EXOC6: variants seen among roughly 807,000 people sequenced by gnomAD.
The protein encoded by EXOC6 is exocyst complex component 6.
Under a neutral mutation model 112.5 loss-of-function variants are expected in EXOC6, and 60 were observed. The ratio of observed to expected loss-of-function variants is 0.53; its 90% CI spans 0.43 to 0.66. The LOEUF is 0.66. EXOC6 is among the 30% of genes least tolerant of loss of function. EXOC6 has a pLI of 0.00. For synonymous variants in EXOC6, 295 were observed against 308.0 expected, an observed-to-expected ratio of 0.96 and a Z score of 0.44; for missense variants, 855 against 957.1, an observed-to-expected ratio of 0.89 and a Z score of 1.41.
intron 7 of EXOC6, among the ~76,000 whole-genome samples, chr10:92,917,270 TA>T (rs962908325): frequency 6.6e-6 from 1 of 152,132 alleles, no homozygotes; most frequent in Non-Finnish European, 1.5e-5. Flanking sequence ...CAAATCTAAT[TA>T]TTTTTATAGT....
At chr10:93,031,802 C>T (rs563286713) in intron 20 of EXOC6, among the ~76,000 whole-genome samples, 94 of 152,184 alleles carry the variant, frequency 6.2e-4, no homozygotes, top group African/African-American at 2.2e-3. Flanking sequence ...CATGAGCCAC[C>T]GTGCCCGCCC....
rs778079479 is a variant in EXOC6 at position 92,909,521 on chromosome 10, C to G, written c.553C>G (p.Leu185Val). Residue 185 changes from leucine (L) to valine (V), a missense_variant, in exon 6 of 22, where the codon CTT (leucine) becomes GTT (valine). Around this residue, in one of 2 missense-constraint regions of EXOC6, gnomAD observed 405 missense variants for 393.6 expected, o/e 1.03. Coordinates refer to ENST00000260762, the MANE Select transcript of EXOC6 (RefSeq NM_019053.6). ...YRFCQLMIENLPKLREDIKEI... is the reference protein window; with the variant it reads ...YRFCQLMIENVPKLREDIKEI... ...GTTTTGTCAGCTCATGATAGAAAAT[C>G]TTCCCAAACTCCGTGAGGATATTAA... The G allele has an allele frequency of 1.9e-5, 31 of 1,613,220 alleles. No individual in the cohort carries two copies. The highest frequency in any genetic ancestry group is 2.6e-5 in the Non-Finnish European group (31 of 1,179,476).
rs1220563534 is a variant in EXOC6, at chr10:92,911,947, G to A, written c.663+2316G>A. On this transcript the variant is annotated intron_variant, in intron 6 of 21. Transcript: ENST00000260762. ...TCTCTCTCTCTGTGTGCGTGTGTGT[G>A]TGTGTGTGTGTGTGTGTGTGTGTGT... Among the ~76,000 whole-genome samples the A allele has an allele frequency of 2.8e-5, 3 of 106,836 alleles. No homozygotes were observed. In the East Asian group the frequency reaches 1.9e-3, roughly 69 times the overall value. 70.1% of individuals were successfully genotyped at this position (106,836 alleles called of 152,430 possible).
chr10:92,949,518 A>G (rs1226373029), intron 14 of EXOC6, among the ~76,000 whole-genome samples: 9 of 150,650 alleles, frequency 6.0e-5, no homozygotes, highest in Non-Finnish European at 1.2e-4. Context: ...GTTACTGGTA[A>G]TGAGTTTGTT....
chr10:92,851,129 C>G (rs760410460), intron 1 of EXOC6, among the ~76,000 whole-genome samples: 6 of 152,046 alleles, frequency 3.9e-5, no homozygotes, highest in Non-Finnish European at 8.8e-5. Context: ...GTTTATGGCA[C>G]CAAACACCTC....
chr10:92,998,317 A>G (rs1489113163), intron 19 of EXOC6, among the ~76,000 whole-genome samples: 1 of 152,230 alleles, frequency 6.6e-6, no homozygotes, highest in Non-Finnish European at 1.5e-5. Flanking sequence ...TACACTGATT[A>G]AACAATGAAA....
At chr10:92,831,108 G>A (rs1354393243), upstream of EXOC6, among the ~76,000 whole-genome samples, 1 of 152,104 alleles carries the variant, frequency 6.6e-6, no homozygotes, top group African/African-American at 2.4e-5. Flanking sequence ...TTAGCCAGTG[G>A]AAACAGGAAG....
At chr10:92,895,493 A>AT (rs1181733175) in intron 4 of EXOC6, among the ~76,000 whole-genome samples, 2 of 152,068 alleles carry the variant, frequency 1.3e-5, no homozygotes, top group African/African-American at 4.8e-5. Context: ...AAAGAGCTGG[A>AT]TCTTCACCAT....
At chr10:93,009,419 A>T (rs1225499696) in intron 19 of EXOC6, among the ~76,000 whole-genome samples, 2 of 152,136 alleles carry the variant, frequency 1.3e-5, no homozygotes, top group Non-Finnish European at 2.9e-5. Context: ...TTGAATACTC[A>T]TTATAAGTCA....
chr10:92,857,629 A>G (rs1423345455), intron 1 of EXOC6, among the ~76,000 whole-genome samples: 1 of 152,206 alleles, frequency 6.6e-6, no homozygotes, highest in East Asian at 1.9e-4. Flanking sequence ...ATTGTATTAC[A>G]TATATTCTAT....
intron 20 of EXOC6, among the ~76,000 whole-genome samples, chr10:93,025,616 G>C (rs1844994221): frequency 6.6e-6 from 1 of 152,082 alleles, no homozygotes. Flanking sequence ...TTTATTTCAA[G>C]TATTTTAATT....
intron 6 of EXOC6, among the ~76,000 whole-genome samples, chr10:92,912,327 C>T (rs780772064): frequency 7.9e-5 from 12 of 152,100 alleles, no homozygotes; most frequent in Non-Finnish European, 1.5e-4. Context: ...ACGGGGCTCT[C>T]TATTTGTTCC....
intron 20 of EXOC6, among the ~76,000 whole-genome samples, chr10:93,035,405 G>C (rs1370918454): frequency 1.3e-5 from 2 of 152,154 alleles, no homozygotes; most frequent in Non-Finnish European, 2.9e-5. Context: ...CAAACACTGT[G>C]ATAATTACAA....
At chr10:92,848,965 A>C (rs1019626940) in intron 1 of EXOC6, among the ~76,000 whole-genome samples, 1 of 151,926 alleles carries the variant, frequency 6.6e-6, no homozygotes, top group Non-Finnish European at 1.5e-5. Flanking sequence ...GCCCGAGGAC[A>C]CTTCTGGGGC....
intron 1 of EXOC6, among the ~76,000 whole-genome samples, chr10:92,871,884 A>G (rs1402044154): frequency 6.6e-6 from 1 of 152,064 alleles, no homozygotes; most frequent in Non-Finnish European, 1.5e-5. Flanking sequence ...TCCTAATTTT[A>G]GTATTTTTTG....
At chr10:92,924,172 G>A (rs1429331273) in intron 8 of EXOC6, among the ~76,000 whole-genome samples, 2 of 152,150 alleles carry the variant, frequency 1.3e-5, no homozygotes, top group Non-Finnish European at 2.9e-5. Context: ...TTGCTTTTAA[G>A]AGAGAGTCCC....
chr10:92,915,671 TAAAAA>T, intron 6 of EXOC6, 82 bp from the exon 7 acceptor site: 1 of 923,682 alleles, frequency 1.1e-6, no homozygotes, highest in Non-Finnish European at 1.5e-6. Context: ...ATTAAAAAGA[TAAAAA>T]AAAACTATGA....
chr10:92,960,043 C>T (rs1442092392), intron 17 of EXOC6, among the ~76,000 whole-genome samples: 1 of 152,162 alleles, frequency 6.6e-6, no homozygotes, highest in East Asian at 1.9e-4. Context: ...CTTAGGTTCA[C>T]CCAAAAACTT....
intron 17 of EXOC6, among the ~76,000 whole-genome samples, chr10:92,957,868 G>A (rs1018617479): frequency 1.3e-5 from 2 of 152,228 alleles, no homozygotes; most frequent in Middle Eastern, 3.4e-3. Flanking sequence ...TCACAAAAAC[G>A]ATTGAAGTAC....
Sources: allele counts gnomAD v4.1 joint callset (sites outside exome capture counted in the v4.1 genomes callset), GRCh38; gene constraint gnomAD v4.1.1; regional missense constraint gnomAD v4.1.1; transcripts MANE v1.5; gene names NCBI Gene and HGNC (gene_info 2026-07-23, HGNC 2026-07-21).